The following ZZEF1 variants were observed in gnomAD, a reference collection of about 807,000 sequenced individuals.
The protein encoded by ZZEF1 is zinc finger ZZ-type and EF-hand domain-containing protein 1.
A neutral mutation model predicts 342.8 loss-of-function variants in ZZEF1; 157 were observed. The ratio of observed to expected loss-of-function variants is 0.46; its 90% confidence interval spans 0.40 to 0.52. ZZEF1 has a LOEUF of 0.52. Among genes scored for constraint, ZZEF1 ranks in the 20% least tolerant of loss-of-function variants. ZZEF1 has a pLI of 0.00. For synonymous variants in ZZEF1, 1,505 were observed against 1,429.1 expected (o/e 1.05, Z -1.20); for missense variants, 3,480 against 3,725.6 (o/e 0.93, Z 1.72).
chr17:4,115,482 G>C lies in ZZEF1; in HGVS notation c.695-1012C>G, dbSNP rs572210199. Among the ~76,000 whole-genome samples, 6 of 152,200 alleles carry C rather than the reference G, an allele frequency of 3.9e-5. No homozygotes were observed. The South Asian group carries it at 1.2e-3, about 32-fold the overall frequency. On this transcript the variant is annotated intron_variant, in intron 3 of 54. Coordinates refer to ENST00000381638, the MANE Select transcript of ZZEF1 (RefSeq NM_015113.4). ...GGTCGAGACCAGCCTGGCCAACATG[G>C]TGAAACCCCATCTCTACTAAAAATA...
intron 37 of ZZEF1, among the ~76,000 whole-genome samples, chr17:4,047,480 C>T (rs2056944136): frequency 6.6e-6 from 1 of 151,976 alleles, no homozygotes; most frequent in Admixed American, 6.6e-5. Flanking sequence ...CCCATCCCTA[C>T]AAAAACTACA....
intron 42 of ZZEF1, among the ~76,000 whole-genome samples, chr17:4,029,506 A>T (rs1357079191): frequency 6.6e-6 from 1 of 152,134 alleles, no homozygotes; most frequent in African/African-American, 2.4e-5. Flanking sequence ...GAAAAAAAAA[A>T]TAGTGGATGT....
intron 49 of ZZEF1, among the ~76,000 whole-genome samples, chr17:4,015,416 G>A (rs975335577): frequency 2.0e-5 from 3 of 152,232 alleles, no homozygotes; most frequent in African/African-American, 4.8e-5. Flanking sequence ...CTTCCACTCA[G>A]AAGTAGATGC....
At chr17:4,118,219 C>T (rs1371118654) in intron 2 of ZZEF1, among the ~76,000 whole-genome samples, 1 of 152,084 alleles carries the variant, frequency 6.6e-6, no homozygotes, top group Non-Finnish European at 1.5e-5. Flanking sequence ...CACTTTCATT[C>T]GATGATGGAA....
intron 36 of ZZEF1, 127 bp downstream of exon 36, chr17:4,050,654 G>A (rs939993043): frequency 7.3e-7 from 1 of 1,372,650 alleles, no homozygotes; most frequent in Non-Finnish European, 1.0e-6. Context: ...CCACACCAGG[G>A]TAAGCCCCTT....
intron 41 of ZZEF1, 80 bp downstream of exon 41, chr17:4,032,748 C>T (rs573453895): frequency 1.2e-4 from 182 of 1,466,460 alleles, no homozygotes; most frequent in Non-Finnish European, 1.7e-4. Flanking sequence ...GCCTATATAT[C>T]CGGAAGCCAC....
At chr17:4,031,449 T>G (rs1473875050) in intron 42 of ZZEF1, among the ~76,000 whole-genome samples, 2 of 152,138 alleles carry the variant, frequency 1.3e-5, no homozygotes, top group East Asian at 3.8e-4. Context: ...GTGTGTCAAT[T>G]TTCGACAAGA....
intron 2 of ZZEF1, among the ~76,000 whole-genome samples, chr17:4,123,514 G>A (rs1433015286): frequency 2.6e-5 from 4 of 151,766 alleles, no homozygotes; most frequent in East Asian, 1.9e-4. Flanking sequence ...CCCTGCCCTC[G>A]TGGAACTATA....
chr17:4,070,407 T>C (rs955468387), intron 26 of ZZEF1, among the ~76,000 whole-genome samples: 4 of 152,168 alleles, frequency 2.6e-5, no homozygotes. Flanking sequence ...AAGGTTTCTT[T>C]CCATTAAATT....
Position 4,077,867 on chromosome 17 carries a change from T to C in ZZEF1, c.2989+16A>G. 1.2e-6 allele frequency: 2 copies of C among 1,611,518 alleles called. No individual in the cohort carries two copies. The highest frequency in any genetic ancestry group is 1.7e-6 in the Non-Finnish European group (2 of 1,178,512). ...CAAACGCCATCTGTTTTCATGGATTTTATATTGAAACTCACATTTTTCAAT... is the reference window on the plus strand; with the variant it reads ...CAAACGCCATCTGTTTTCATGGATTCTATATTGAAACTCACATTTTTCAAT... On this transcript the variant is annotated intron_variant, in intron 19 of 54. Coordinates refer to ENST00000381638, the MANE Select transcript of ZZEF1 (RefSeq NM_015113.4).
rs1422640009 is a variant in ZZEF1 at position 4,016,451 on chromosome 17, G to A, written c.8017C>T (p.Leu2673Phe). 1.2e-6 allele frequency: 2 copies of A among 1,610,694 alleles called. No individual in the cohort carries two copies. Residue 2673 changes from leucine to phenylalanine, a missense_variant, in exon 49 of 55, where the codon CTC becomes TTC. Physicochemically the swap from Leu to Phe is conservative, Grantham distance 22. Coordinates refer to ENST00000381638, the MANE Select transcript of ZZEF1 (RefSeq NM_015113.4). The surrounding 1 kb of genome is among the most constrained non-coding windows in gnomAD (Gnocchi z 4.4). ...AGCATGTCCTCTCGGCAGCCCTGGA[G>A]CACTTTCTGCAGGATCTGGTGGGAA... ...HEWEKILQKV[L>F]QGCREDMLGT...
In ZZEF1 at chr17:4,112,715, A is replaced by T. The variant is rs1567852338; in HGVS notation, c.960T>A (p.Ala320=). Residue 320 remains alanine, a synonymous_variant, in exon 5 of 55, where the codon GCT becomes GCA. Coordinates refer to ENST00000381638, the MANE Select transcript of ZZEF1 (RefSeq NM_015113.4). ...GAAGATCGCTGGCATTCCTCCCTAC[A>T]GCTACTGTCACCTGCTGTGGCATGT... ...QSYMPQQVTV[A]VGRNASDLQE... 6.2e-7 allele frequency: 1 copy of T among 1,614,146 alleles called. No individual in the cohort carries two copies.
chr17:4,120,016 A>C (rs2058457926), intron 2 of ZZEF1, among the ~76,000 whole-genome samples: 1 of 152,212 alleles, frequency 6.6e-6, no homozygotes, highest in South Asian at 2.1e-4. Flanking sequence ...TTAAACAGCC[A>C]ACTCCCAAAA....
At position 4,027,286 on chromosome 17, in the gene ZZEF1, CTTTTTTT is replaced by C. The variant is rs1179743466; in HGVS notation, c.6893-2175_6893-2169del. On this transcript the variant is annotated intron_variant, in intron 42 of 54. Transcript: ENST00000381638. ...GACCTACGCACCCAGCAATATCTCA[CTTTTTTT>C]TTTTTTTTTTTTTTTTTTTGAGAGA... Among the ~76,000 whole-genome samples, 486 of 67,966 alleles carry C rather than the reference CTTTTTTT, an allele frequency of 7.2e-3. 2 individuals carry two copies. The highest frequency in any genetic ancestry group is 0.025 in the East Asian group (56 of 2,278). The allele number at this position is 67,966 out of a possible 152,430, so 44.6% of individuals were successfully genotyped here. A position where few individuals can be genotyped will look rare whatever the true frequency, so the allele number is the denominator to read the frequency against.
chr17:4,089,014 T>C (rs2057894621), intron 12 of ZZEF1, 121 bp from the exon 13 acceptor site: 1 of 826,188 alleles, frequency 1.2e-6, no homozygotes, highest in South Asian at 1.7e-5. Flanking sequence ...TAGGAAACAT[T>C]ATGCTCAGCA....
chr17:4,121,451 C>A (rs2058481400), intron 2 of ZZEF1, among the ~76,000 whole-genome samples: 1 of 152,118 alleles, frequency 6.6e-6, no homozygotes, highest in South Asian at 2.1e-4. Flanking sequence ...TATGGTGAAA[C>A]CCCATCTCTA....
At chr17:4,102,896 T>C (rs1428977084) in intron 8 of ZZEF1, among the ~76,000 whole-genome samples, 1 of 151,492 alleles carries the variant, frequency 6.6e-6, no homozygotes. Flanking sequence ...CAAAAAAAAA[T>C]ATATATTTAT....
At chr17:4,061,838 C>T (rs1439884603) in intron 30 of ZZEF1, among the ~76,000 whole-genome samples, 4 of 152,188 alleles carry the variant, frequency 2.6e-5, no homozygotes, top group African/African-American at 9.7e-5. Context: ...GATCAAACCA[C>T]CATCATTTCT....
chr17:4,122,149 C>T (rs1344587799), intron 2 of ZZEF1, among the ~76,000 whole-genome samples: 1 of 152,112 alleles, frequency 6.6e-6, no homozygotes, highest in Non-Finnish European at 1.5e-5. Flanking sequence ...TATTTTGCCT[C>T]CATTGCTGCC....
Sources: gnomAD v4.1 joint callset for allele counts (sites outside exome capture counted in the v4.1 genomes callset) on GRCh38, gnomAD v4.1.1 for gene constraint, Gnocchi (gnomAD v3.1) non-coding constraint, MANE v1.5 for transcripts, NCBI Gene and HGNC (gene_info 2026-07-23, HGNC 2026-07-21) for gene names.